The following COPZ1 variants were observed in gnomAD, a reference collection of about 807,000 sequenced individuals.
The protein encoded by COPZ1 is coat protein complex I subunit zeta 1.
In COPZ1, 4 loss-of-function variants were observed where a neutral mutation model predicts 31.7. The ratio of observed to expected loss-of-function variants is 0.13; its 90% CI spans 0.06 to 0.29. COPZ1 has a LOEUF of 0.29. Among genes scored for constraint, COPZ1 ranks in the 10% least tolerant of loss-of-function variants. The pLI is 1.00. For synonymous variants in COPZ1, 74 were observed against 79.0 expected (o/e 0.94, Z 0.33); for missense variants, 156 against 211.5 (o/e 0.74, Z 1.63).
At chr12:54,339,548 C>T (rs892969853) in intron 1 of COPZ1, among the ~76,000 whole-genome samples, 2 of 152,010 alleles carry the variant, frequency 1.3e-5, no homozygotes, top group African/African-American at 4.8e-5. Flanking sequence ...GGGGGTCTCC[C>T]TGTGTTTCCC....
chr12:54,347,706 G>A (rs1372124787), intron 5 of COPZ1, 61 bp from the exon 6 acceptor site: 3 of 1,475,718 alleles, frequency 2.0e-6, no homozygotes, highest in East Asian at 4.5e-5. Flanking sequence ...ATTGAGACAA[G>A]GTCCTAGGAT....
At chr12:54,349,968 TGTGTGCATTTGTGC>T in intron 8 of COPZ1, 1 of 591,732 alleles carries the variant, frequency 1.7e-6, no homozygotes, top group Non-Finnish European at 3.0e-6. Context: ...GCAGATGGTC[TGTGTGCATTTGTGC>T]ACACACACTC....
At chr12:54,332,095 C>A (rs902578765) in intron 1 of COPZ1, among the ~76,000 whole-genome samples, 1 of 152,076 alleles carries the variant, frequency 6.6e-6, no homozygotes, top group Non-Finnish European at 1.5e-5. Flanking sequence ...GAGGCCGAGG[C>A]GGGCGGATCA....
chr12:54,339,980 CGTGTGTGTGTGTGTGTGT>C (rs10522684), intron 1 of COPZ1, among the ~76,000 whole-genome samples: 11 of 142,066 alleles, frequency 7.7e-5, no homozygotes, highest in Non-Finnish European at 1.1e-4. Flanking sequence ...TGTGCCTGTG[CGTGTGTGTGTGTGTGTGT>C]GTGTGTGTGT....
At chr12:54,325,726 G>C (rs1197310061) in intron 1 of COPZ1, 1 of 152,596 alleles carries the variant, frequency 6.6e-6, no homozygotes, top group Non-Finnish European at 1.5e-5. Flanking sequence ...TGGGATACCT[G>C]ATAAAGTTAG....
chr12:54,335,611 G>C (rs1412045749), intron 1 of COPZ1, among the ~76,000 whole-genome samples: 3 of 151,568 alleles, frequency 2.0e-5, no homozygotes, highest in Admixed American at 1.3e-4. Flanking sequence ...GTTTCACCAT[G>C]TTGGCCAGGC....
At chr12:54,338,212 G>A (rs1360695255) in intron 1 of COPZ1, among the ~76,000 whole-genome samples, 3 of 152,170 alleles carry the variant, frequency 2.0e-5, no homozygotes, top group Non-Finnish European at 2.9e-5. Flanking sequence ...GGAAAAGGTT[G>A]TGGGAAAAAA....
At chr12:54,330,396 G>A (rs571835681) in intron 1 of COPZ1, among the ~76,000 whole-genome samples, 6 of 152,284 alleles carry the variant, frequency 3.9e-5, no homozygotes, top group African/African-American at 1.4e-4. Context: ...AGCAATTGAC[G>A]CTGCTTCTAA....
intron 7 of COPZ1, among the ~76,000 whole-genome samples, chr12:54,349,087 TCTC>T (rs554353637): frequency 4.5e-4 from 69 of 152,096 alleles, no homozygotes; most frequent in Non-Finnish European, 8.2e-4. Flanking sequence ...AGTTTAATCT[TCTC>T]CTCTAACATA....
intron 8 of COPZ1, 183 bp downstream of exon 8, chr12:54,349,841 T>C: frequency 1.5e-6 from 1 of 681,530 alleles, no homozygotes; most frequent in Non-Finnish European, 2.7e-6. Context: ...TACTTCCAAC[T>C]CCTTTCTCAG....
intron 1 of COPZ1, among the ~76,000 whole-genome samples, chr12:54,338,604 G>A (rs1953914075): frequency 6.6e-6 from 1 of 152,210 alleles, no homozygotes; most frequent in Non-Finnish European, 1.5e-5. Flanking sequence ...TATATGTGGA[G>A]GTCTAATTAT....
chr12:54,344,502 T>G (rs1248725091), intron 4 of COPZ1: 1 of 152,304 alleles, frequency 6.6e-6, no homozygotes, highest in African/African-American at 2.4e-5. Context: ...GGCATGAACC[T>G]GGGAGGCGGA....
chr12:54,325,176 A>G lies in COPZ1; in HGVS notation c.13A>G (p.Ile5Val), dbSNP rs774219257. Residue 5 changes from isoleucine (I) to valine (V), a missense_variant, in exon 1 of 9, where the codon ATT becomes GTT. Transcript: ENST00000262061. Reference sequence around the variant, plus strand: ...GCTGCGGGGCAAGATGGAGGCGCTGATTTTGGTAGGAGCTGGAGGGGCAGC... The same window carrying G: ...GCTGCGGGGCAAGATGGAGGCGCTGGTTTTGGTAGGAGCTGGAGGGGCAGC... Reference protein sequence around the residue: MEALILEPSLYTVKA... With the variant: MEALVLEPSLYTVKA... 2.0e-5 allele frequency: 31 copies of G among 1,560,978 alleles called. No individual in the cohort carries two copies. Among genetic ancestry groups the G allele is most frequent in the Non-Finnish European group, 2.7e-5 (31 of 1,153,084 alleles).
chr12:54,348,079 C>A (rs964753513), intron 7 of COPZ1, 28 bp downstream of exon 7: 19 of 1,611,732 alleles, frequency 1.2e-5, no homozygotes, highest in Admixed American at 5.0e-5. Context: ...TCTTTGCATC[C>A]CCGCATCTAT....
intron 7 of COPZ1, among the ~76,000 whole-genome samples, chr12:54,348,540 C>A (rs1954100296): frequency 6.6e-6 from 1 of 152,036 alleles, no homozygotes; most frequent in Non-Finnish European, 1.5e-5. Flanking sequence ...AGTTCGAGAC[C>A]AGCCTGACCA....
chr12:54,343,406 C>A, intron 4 of COPZ1, 90 bp downstream of exon 4: 1 of 1,058,504 alleles, frequency 9.4e-7, no homozygotes, highest in Non-Finnish European at 1.5e-6. Context: ...CCTAATAGAG[C>A]CGTGTTCCTC....
intron 5 of COPZ1, 112 bp downstream of exon 5, chr12:54,345,627 G>GA: frequency 2.3e-6 from 2 of 863,000 alleles, no homozygotes; most frequent in Non-Finnish European, 3.7e-6. Flanking sequence ...GGATTGTAGG[G>GA]GATTGGCAAA....
rs1003469854 is a variant in COPZ1, at chr12:54,340,734, C to T, written c.87+119C>T. The T allele has an allele frequency of 2.3e-5, 25 of 1,098,424 alleles. No homozygotes were observed. The Admixed American group carries it at 6.7e-4, about 30-fold the overall frequency. 68.0% of individuals were successfully genotyped at this position (1,098,424 alleles called of 1,614,324 possible). A position where few individuals can be genotyped will look rare whatever the true frequency, so the allele number is the denominator to read the frequency against. On this transcript the variant is annotated intron_variant, in intron 2 of 8. Coordinates refer to ENST00000262061, the MANE Select transcript of COPZ1 (RefSeq NM_016057.3). ...CAGTAGTATAATTTTGAGAATACTT[C>T]CATCTTTTTTTTTTGAGATGGAGTT...
In COPZ1 at chr12:54,349,707, G is replaced by C. The variant is rs1565598397; in HGVS notation, c.486+49G>C. On this transcript the variant is annotated intron_variant, in intron 8 of 8. Transcript: ENST00000262061. ...CCAGATGGACTGGGTCACTAAAGAG[G>C]CTAGAACAGCATTCCACCCATACCT... 5.7e-6 allele frequency: 8 copies of C among 1,414,830 alleles called. No homozygotes were observed. The East Asian group carries it at 1.8e-4, about 32-fold the overall frequency. The allele number at this position is 1,414,830 out of a possible 1,614,324, so 87.6% of individuals were successfully genotyped here. A position where few individuals can be genotyped will look rare whatever the true frequency, so the allele number is the denominator to read the frequency against.
Sources: gnomAD v4.1 joint callset for allele counts (sites outside exome capture counted in the v4.1 genomes callset) on GRCh38, gnomAD v4.1.1 for gene constraint, MANE v1.5 for transcripts, NCBI Gene and HGNC (gene_info 2026-07-23, HGNC 2026-07-21) for gene names.